Variants in ADAM20 observed in about 807,000 individuals in gnomAD.
The protein encoded by ADAM20 is disintegrin and metalloproteinase domain-containing protein 20.
For missense variants in ADAM20, 871 were observed against 883.2 expected (o/e 0.99, Z 0.18); for synonymous variants, 305 against 310.2 (o/e 0.98, Z 0.18).
At chr14:70,531,033 A>G (rs1883700121) in intron 1 of ADAM20, among the ~76,000 whole-genome samples, 1 of 152,180 alleles carries the variant, frequency 6.6e-6, no homozygotes, top group Non-Finnish European at 1.5e-5. Context: ...GACCATTTAA[A>G]AATCAATACA....
chr14:70,577,522 G>T, the ADAM20 span, among the ~76,000 whole-genome samples: 1 of 152,064 alleles, frequency 6.6e-6, no homozygotes, highest in Non-Finnish European at 1.5e-5. Flanking sequence ...TAGAACACTA[G>T]AACAAATATA....
At position 70,523,148 on chromosome 14, in the gene ADAM20, T is replaced by C. The variant is rs376740511; in HGVS notation, c.1610A>G (p.Gln537Arg). 1.9e-6 allele frequency: 3 copies of C among 1,613,994 alleles called. No individual in the cohort carries two copies. The highest frequency in any genetic ancestry group is 2.7e-5 in the African/African-American group (2 of 75,018). The change falls in exon 2 of 2, where the codon CAA (glutamine) becomes CGA (arginine). Residue 537 changes from glutamine to arginine, a missense_variant. By Grantham distance (43) the Gln-to-Arg change is conservative. Coordinates refer to ENST00000256389, the MANE Select transcript of ADAM20 (RefSeq NM_003814.5). ...SQSCYQEINT[Q>R]GNRFGHCGIV... The stretch of plus-strand genomic sequence containing the variant: ...ACCACAGTGACCGAAACGGTTTCCT[T>C]GGGTGTTGATTTCTTGGTAGCAACT...
chr14:70,569,885 C>CAAAAAAAAAAAAAAAAAAA, the ADAM20 span, among the ~76,000 whole-genome samples: 3 of 76,152 alleles, frequency 3.9e-5, no homozygotes, highest in Non-Finnish European at 5.4e-5. Flanking sequence ...AGAAAACTAA[C>CAAAAAAAAAAAAAAAAAAA]AAAAAAAAAA....
In ADAM20 at chr14:70,523,772, T is replaced by C. The variant is rs1883514023; in HGVS notation, c.986A>G (p.Glu329Gly). 6.2e-7 allele frequency: 1 copy of C among 1,613,938 alleles called. No homozygotes were observed. The highest frequency in any genetic ancestry group is 1.1e-5 in the South Asian group (1 of 91,084). ...TGCAAAAACGACCAACCTGTTGTCT[T>C]CAAAAACATCAACTCCAGTATTAAA... ...NPFNTGVDVF[E>G]DNRLVVFAIT... Residue 329 changes from glutamate (E) to glycine (G), a missense_variant, in exon 2 of 2, where the codon GAA becomes GGA. Transcript: ENST00000256389.
At chr14:70,556,923 GTCTACTCCTAT>G in the ADAM20 span, 1 of 152,134 alleles carries the variant, frequency 6.6e-6, no homozygotes, top group Non-Finnish European at 1.5e-5. Context: ...GGTCTACAGT[GTCTACTCCTAT>G]CATAAAATAT....
chr14:70,565,720 T>C, the ADAM20 span, among the ~76,000 whole-genome samples: 9 of 152,150 alleles, frequency 5.9e-5, no homozygotes, highest in African/African-American at 1.9e-4. Flanking sequence ...TGTAATATAG[T>C]TAGAACAAAT....
upstream of ADAM20, among the ~76,000 whole-genome samples, chr14:70,536,508 T>A (rs867917573): frequency 8.6e-6 from 1 of 116,456 alleles, no homozygotes; most frequent in Non-Finnish European, 1.9e-5. Flanking sequence ...AATTGCACAG[T>A]GTATGTCCCT....
chr14:70,560,706 A>C, the ADAM20 span, among the ~76,000 whole-genome samples: 1 of 151,970 alleles, frequency 6.6e-6, no homozygotes. Flanking sequence ...GAGTGTGTGT[A>C]GCACTTCCCC....
At chr14:70,529,009 C>T (rs1225072796) in intron 1 of ADAM20, among the ~76,000 whole-genome samples, 1 of 151,944 alleles carries the variant, frequency 6.6e-6, no homozygotes, top group Non-Finnish European at 1.5e-5. Flanking sequence ...ATATATGCAC[C>T]CAACATTGGA....
upstream of ADAM20, among the ~76,000 whole-genome samples, chr14:70,537,795 T>C (rs373822348): frequency 6.6e-6 from 1 of 152,114 alleles, no homozygotes; most frequent in African/African-American, 2.4e-5. Flanking sequence ...CTGGACCCAA[T>C]ACAAATTAAA....
At chr14:70,539,975 C>T (rs932698765), upstream of ADAM20, among the ~76,000 whole-genome samples, 3 of 152,134 alleles carry the variant, frequency 2.0e-5, no homozygotes, top group Non-Finnish European at 4.4e-5. Context: ...CCTGCCGATC[C>T]GCCTGGGAAC....
the ADAM20 span, among the ~76,000 whole-genome samples, chr14:70,545,508 AAAT>A: frequency 0.032 from 4,854 of 152,270 alleles, 255 homozygotes; most frequent in African/African-American, 0.11. Context: ...CAGAGACTAA[AAAT>A]AAAGGGATGG....
the ADAM20 span, among the ~76,000 whole-genome samples, chr14:70,564,755 T>C: frequency 6.8e-6 from 1 of 147,776 alleles, no homozygotes; most frequent in Non-Finnish European, 1.5e-5. Context: ...TTTTTTTTTT[T>C]TTTTTTTTTA....
At chr14:70,574,484 C>T in the ADAM20 span, among the ~76,000 whole-genome samples, 332 of 151,686 alleles carry the variant, frequency 2.2e-3, 1 homozygote, top group African/African-American at 7.7e-3. Context: ...ACTAAAAATA[C>T]AAAAAATTAG....
Position 70,523,477 on chromosome 14 carries a change from C to T in ADAM20, c.1281G>A (p.Arg427=). ...GACAACAGGGATCTTTTGCACACTG[C>T]CGTATGGTTCCACAGTCACATTCCT... The part of the protein sequence containing the change: ...EGEECDCGTI[R]QCAKDPCCLL... The change falls in exon 2 of 2, where the codon CGG becomes CGA. Residue 427 remains arginine (R), a synonymous_variant. Coordinates refer to ENST00000256389, the MANE Select transcript of ADAM20 (RefSeq NM_003814.5). 3 of 1,614,028 alleles carry T rather than the reference C, an allele frequency of 1.9e-6. No homozygotes were observed. Among genetic ancestry groups the T allele is most frequent in the Non-Finnish European group, 2.5e-6 (3 of 1,179,952 alleles).
chr14:70,528,554 T>A (rs1883641358), intron 1 of ADAM20, among the ~76,000 whole-genome samples: 2 of 152,204 alleles, frequency 1.3e-5, no homozygotes, highest in South Asian at 2.1e-4. Flanking sequence ...AATTGGAGAA[T>A]CCTTCTTAGG....
chr14:70,561,558 G>T, the ADAM20 span, among the ~76,000 whole-genome samples: 4 of 152,250 alleles, frequency 2.6e-5, no homozygotes, highest in Admixed American at 2.0e-4. Context: ...GGGTATTTCA[G>T]AGACCTCCCT....
rs1883530149 is a variant in ADAM20, at chr14:70,524,249, G to A, written c.509C>T (p.Pro170Leu). The A allele has an allele frequency of 1.9e-6, 3 of 1,613,752 alleles. No homozygotes were observed. Among genetic ancestry groups the A allele is most frequent in the Non-Finnish European group, 2.5e-6 (3 of 1,179,912 alleles). ...CTCTTCTGTTAACCCACATCTCATA[G>A]GTGGAAACTGTGTATCATCACTGTC... The part of the protein sequence containing the change: ...KIDSDDTQFP[P>L]MRCGLTEEKI... Residue 170 changes from proline (P) to leucine (L), a missense_variant, in exon 2 of 2, where the codon CCT becomes CTT. Physicochemically the swap from Pro to Leu is moderately conservative, Grantham distance 98. Coordinates refer to ENST00000256389, the MANE Select transcript of ADAM20 (RefSeq NM_003814.5).
At chr14:70,555,619 T>C in the ADAM20 span, among the ~76,000 whole-genome samples, 2 of 152,216 alleles carry the variant, frequency 1.3e-5, no homozygotes, top group Non-Finnish European at 2.9e-5. Flanking sequence ...ATTGAAAATT[T>C]AGTTTTACCT....
Sources: gnomAD v4.1 joint callset for allele counts (sites outside exome capture counted in the v4.1 genomes callset) on GRCh38, gnomAD v4.1.1 for gene constraint, MANE v1.5 for transcripts, NCBI Gene and HGNC (gene_info 2026-07-23, HGNC 2026-07-21) for gene names.